Variants in TAF6L observed in about 807,000 individuals in gnomAD.
The protein encoded by TAF6L is TAF6-like RNA polymerase II p300/CBP-associated factor-associated factor 65 kDa subunit 6L.
In TAF6L, 34 loss-of-function variants were observed where a neutral mutation model predicts 57.3. That is an observed-to-expected ratio of 0.59 (90% CI 0.45 to 0.79). The LOEUF (loss-of-function observed/expected upper bound fraction) is 0.79, where lower values mean the gene tolerates loss of function less well. Ranked by LOEUF, TAF6L falls within the 30% of genes least tolerant of loss-of-function variation. TAF6L has a pLI of 0.00. For synonymous variants in TAF6L, 417 were observed against 376.3 expected, an observed-to-expected ratio of 1.11 and a Z score of -1.25; for missense variants, 782 against 853.2, an observed-to-expected ratio of 0.92 and a Z score of 1.04.
intron 6 of TAF6L, among the ~76,000 whole-genome samples, chr11:62,781,117 T>A (rs1590935856): frequency 1.3e-5 from 2 of 150,760 alleles, no homozygotes; most frequent in East Asian, 3.9e-4. Flanking sequence ...GCGCCTGTAA[T>A]CCCAGCTACT....
intron 4 of TAF6L, 63 bp from the exon 5 acceptor site, chr11:62,778,222 G>T: frequency 6.2e-7 from 1 of 1,613,738 alleles, no homozygotes; most frequent in Non-Finnish European, 8.5e-7. Context: ...AGAACTTGGA[G>T]GGGTAGGCGG....
chr11:62,771,869 C>T (rs967628712), intron 1 of TAF6L: 1 of 305,712 alleles, frequency 3.3e-6, no homozygotes, highest in African/African-American at 2.2e-5. Context: ...CTAAATGCTC[C>T]CATTTTACAG....
chr11:62,773,939 A>G (rs1443014234), intron 1 of TAF6L, among the ~76,000 whole-genome samples: 1 of 152,190 alleles, frequency 6.6e-6, no homozygotes, highest in Admixed American at 6.6e-5. Flanking sequence ...AGGTCCTAAA[A>G]TAGGTGTATT....
chr11:62,782,043 A>C (rs1159195915), intron 7 of TAF6L, 70 bp from the exon 8 acceptor site: 1 of 1,593,394 alleles, frequency 6.3e-7, no homozygotes, highest in Non-Finnish European at 8.6e-7. Flanking sequence ...GCTCATGGCA[A>C]GTGCTGTCAG....
chr11:62,779,202 G>A (rs1373168093), intron 6 of TAF6L, among the ~76,000 whole-genome samples: 1 of 151,256 alleles, frequency 6.6e-6, no homozygotes. Context: ...GTTTTGTTTT[G>A]TTTTGTTTTT....
At chr11:62,779,828 G>A in intron 6 of TAF6L, among the ~76,000 whole-genome samples, 1 of 145,644 alleles carries the variant, frequency 6.9e-6, no homozygotes, top group East Asian at 2.1e-4. Flanking sequence ...ACCATGCCTG[G>A]CTAATTTTTG....
chr11:62,785,405 G>A (rs543851284), intron 9 of TAF6L, among the ~76,000 whole-genome samples: 111 of 150,250 alleles, frequency 7.4e-4, no homozygotes, highest in African/African-American at 2.5e-3. Flanking sequence ...GCTGGCCAGG[G>A]CTCGTCTCGA....
chr11:62,786,477 C>G, intron 10 of TAF6L, 40 bp from the exon 11 acceptor site: 1 of 1,581,584 alleles, frequency 6.3e-7, no homozygotes, highest in Non-Finnish European at 8.6e-7. Context: ...GGCCCAGGTT[C>G]CTCGAATTTT....
rs766224880 is a variant in TAF6L, at chr11:62,786,704, C to A, written c.1277C>A (p.Ala426Glu). ...GSGLPLPPGG[A>E]GPEDPSLSVT... Reference sequence around the variant, plus strand: ...GGCCTCCCGCTGCCGCCAGGGGGCGCGGGGCCGGAGGACCCTTCTCTTTCG... The same window carrying A: ...GGCCTCCCGCTGCCGCCAGGGGGCGAGGGGCCGGAGGACCCTTCTCTTTCG... Residue 426 changes from alanine (A) to glutamate (E), a missense_variant, in exon 11 of 11, where the codon GCG (alanine) becomes GAG (glutamate). Ala to Glu is a moderately radical substitution (Grantham distance 107). Transcript: ENST00000294168. The A allele has an allele frequency of 6.2e-7, 1 of 1,612,436 alleles. No individual in the cohort carries two copies. The highest frequency in any genetic ancestry group is 8.5e-7 in the Non-Finnish European group (1 of 1,179,520).
chr11:62,779,826 T>C lies in TAF6L; in HGVS notation c.531+863T>C, dbSNP rs1590935019. Among the ~76,000 whole-genome samples the C allele has an allele frequency of 3.4e-5, 5 of 148,778 alleles. No individual in the cohort carries two copies. The East Asian group carries it at 1.0e-3, about 30-fold the overall frequency. On this transcript the variant is annotated intron_variant, in intron 6 of 10. Coordinates refer to ENST00000294168, the MANE Select transcript of TAF6L (RefSeq NM_006473.4). ...GATTACAGGGGCATACCACCATGCC[T>C]GGCTAATTTTTGCATTTTTAGTAGA...
intron 9 of TAF6L, among the ~76,000 whole-genome samples, chr11:62,783,558 G>A (rs1179456950): frequency 3.3e-5 from 5 of 149,490 alleles, no homozygotes; most frequent in Non-Finnish European, 7.4e-5. Context: ...TTTTGAGACG[G>A]AGTTTTGCTC....
chr11:62,783,406 C>T (rs1409193218), intron 9 of TAF6L, among the ~76,000 whole-genome samples: 11 of 151,172 alleles, frequency 7.3e-5, no homozygotes, highest in African/African-American at 1.2e-4. Context: ...GGCGTGAACC[C>T]GGGAGGCGGA....
chr11:62,775,884 C>A lies in TAF6L; in HGVS notation c.101C>A (p.Ala34Glu), dbSNP rs200288910. ...TGLELSDEVAALLAEDVCYRL... is the reference protein window; with the variant it reads ...TGLELSDEVAELLAEDVCYRL... ...CTGGAGCTGAGCGATGAGGTGGCGG[C>A]GCTGCTCGCAGAGGACGTGTGCTAT... is the stretch of plus-strand genomic sequence containing the variant. The change falls in exon 2 of 11, where the codon GCG becomes GAG. Residue 34 changes from alanine to glutamate, a missense_variant. Ala to Glu is a moderately radical substitution (Grantham distance 107). Around this residue, in one of 3 missense-constraint regions of TAF6L, gnomAD observed 220 missense variants for 252.1 expected, o/e 0.87. Transcript: ENST00000294168. 1 of 1,613,848 alleles carries A rather than the reference C, an allele frequency of 6.2e-7. No homozygotes were observed. Among genetic ancestry groups the A allele is most frequent in the African/African-American group, 1.3e-5 (1 of 74,930 alleles).
At chr11:62,775,278 GA>G (rs1041264102) in intron 1 of TAF6L, among the ~76,000 whole-genome samples, 1 of 152,128 alleles carries the variant, frequency 6.6e-6, no homozygotes, top group Non-Finnish European at 1.5e-5. Context: ...ACTATCAGGA[GA>G]ACAGCATGGG....
chr11:62,782,799 G>T lies in TAF6L; in HGVS notation c.934G>T (p.Val312Leu), dbSNP rs745320354. The T allele has an allele frequency of 1.9e-6, 3 of 1,613,914 alleles. No individual in the cohort carries two copies. In the Admixed American group the frequency reaches 5.0e-5, roughly 27 times the overall value. Residue 312 changes from valine to leucine, a missense_variant, in exon 9 of 11, where the codon GTG becomes TTG. By Grantham distance (32) the Val-to-Leu change is conservative. Coordinates refer to ENST00000294168, the MANE Select transcript of TAF6L (RefSeq NM_006473.4). ...GCTCTGCTGCCACTATGGAGCCGTG[G>T]TGGGGCTGCATGCTCTTGGCTGGAA... ...RPLCCHYGAV[V>L]GLHALGWKAV...
At position 62,786,640 on chromosome 11, in the gene TAF6L, T is replaced by C; in HGVS notation, c.1213T>C (p.Ser405Pro). The C allele has an allele frequency of 6.2e-7, 1 of 1,602,280 alleles. No individual in the cohort carries two copies. Among genetic ancestry groups the C allele is most frequent in the Non-Finnish European group, 8.5e-7 (1 of 1,174,578 alleles). ...LPWDSLLFQE[S>P]SSGGGAEPSF... is the part of the protein sequence containing the mutation. ...ATGGGACAGCCTTCTCTTTCAAGAG[T>C]CGTCCTCCGGGGGCGGTGCAGAACC... is the stretch of plus-strand genomic sequence containing the variant. The change falls in exon 11 of 11, where the codon TCG (serine) becomes CCG (proline). Residue 405 changes from serine to proline, a missense_variant. By Grantham distance (74) the Ser-to-Pro change is moderately conservative. Around this residue, in one of 3 missense-constraint regions of TAF6L, gnomAD observed 483 missense variants for 445.1 expected, o/e 1.09. Transcript: ENST00000294168.
At position 62,786,709 on chromosome 11, in the gene TAF6L, C is replaced by T; in HGVS notation, c.1282C>T (p.Pro428Ser). Reference sequence around the variant, plus strand: ...CCCGCTGCCGCCAGGGGGCGCGGGGCCGGAGGACCCTTCTCTTTCGGTGAC... The same window carrying T: ...CCCGCTGCCGCCAGGGGGCGCGGGGTCGGAGGACCCTTCTCTTTCGGTGAC... ...GLPLPPGGAG[P>S]EDPSLSVTLA... The change falls in exon 11 of 11, where the codon CCG becomes TCG. Residue 428 changes from proline to serine, a missense_variant. Coordinates refer to ENST00000294168, the MANE Select transcript of TAF6L (RefSeq NM_006473.4). 3.7e-6 allele frequency: 6 copies of T among 1,612,906 alleles called. No homozygotes were observed. The highest frequency in any genetic ancestry group is 1.7e-5 in the Admixed American group (1 of 59,918).
rs759637135 is a variant in TAF6L at position 62,787,289 on chromosome 11, C to G, written c.1862C>G (p.Pro621Arg). 6.5e-7 allele frequency: 1 copy of G among 1,539,800 alleles called. No individual in the cohort carries two copies. Among genetic ancestry groups the G allele is most frequent in the Non-Finnish European group, 8.7e-7 (1 of 1,150,472 alleles). The stretch of plus-strand genomic sequence containing the variant: ...CTCTCGGACTACTCGCTGTACTTGC[C>G]GCTCTGAGTCAGTGGCCCCTTCGTT... ...WALSDYSLYL[P>R]L The change falls in exon 11 of 11, where the codon CCG (proline) becomes CGG (arginine). Residue 621 changes from proline to arginine, a missense_variant. Around this residue, in one of 3 missense-constraint regions of TAF6L, gnomAD observed 483 missense variants for 445.1 expected, o/e 1.09. Coordinates refer to ENST00000294168, the MANE Select transcript of TAF6L (RefSeq NM_006473.4).
chr11:62,782,522 A>T, intron 8 of TAF6L, 171 bp from the exon 9 acceptor site: 1 of 1,081,328 alleles, frequency 9.2e-7, no homozygotes, highest in Non-Finnish European at 1.3e-6. Flanking sequence ...ACGCCAAGGT[A>T]TTGGTTCTTC....
Sources: gnomAD v4.1 joint callset for allele counts (sites outside exome capture counted in the v4.1 genomes callset) on GRCh38, gnomAD v4.1.1 for gene constraint, gnomAD v4.1.1 regional missense constraint, MANE v1.5 for transcripts, NCBI Gene and HGNC (gene_info 2026-07-23, HGNC 2026-07-21) for gene names.